Variants in CSMD3 observed in about 807,000 individuals in gnomAD.
CSMD3 encodes CUB and sushi domain-containing protein 3.
In CSMD3, 177 loss-of-function variants were observed where a neutral mutation model predicts 435.2. The observed-to-expected ratio is 0.41, with a 90% CI of 0.36 to 0.46. The LOEUF (loss-of-function observed/expected upper bound fraction) is 0.46. CSMD3 is among the 20% of genes least tolerant of loss of function. The probability of loss-of-function intolerance (pLI) is 0.34; values close to 1 mark genes in which losing one functional copy is unlikely to be tolerated. For missense variants in CSMD3, 4,265 were observed against 4,504.6 expected (o/e 0.95, Z 1.52); for synonymous variants, 1,656 against 1,520.5 (o/e 1.09, Z -2.07).
chr8:112,876,157 T>C (rs532124492), intron 10 of CSMD3, among the ~76,000 whole-genome samples: 1 of 152,100 alleles, frequency 6.6e-6, no homozygotes, highest in African/African-American at 2.4e-5. Flanking sequence ...AATAGACCAA[T>C]AACAAGTTCT....
chr8:112,707,537 A>T (rs1339238886), intron 13 of CSMD3, among the ~76,000 whole-genome samples: 1 of 151,962 alleles, frequency 6.6e-6, no homozygotes, highest in African/African-American at 2.4e-5. Context: ...CAAGGAAATA[A>T]ATACAACAGT....
At chr8:113,419,470 A>G (rs1408735069) in intron 1 of CSMD3, among the ~76,000 whole-genome samples, 1 of 152,120 alleles carries the variant, frequency 6.6e-6, no homozygotes, top group African/African-American at 2.4e-5. Flanking sequence ...ATTTACTCCA[A>G]CATCATCTGG....
chr8:113,136,085 G>A (rs375782456), intron 4 of CSMD3, among the ~76,000 whole-genome samples: 12 of 151,850 alleles, frequency 7.9e-5, no homozygotes, highest in African/African-American at 2.7e-4. Context: ...ACCATATTAC[G>A]TATCATATAA....
intron 2 of CSMD3, among the ~76,000 whole-genome samples, chr8:113,280,361 G>A (rs1196797268): frequency 6.6e-6 from 1 of 151,862 alleles, no homozygotes; most frequent in Non-Finnish European, 1.5e-5. Flanking sequence ...GGTCTATTCA[G>A]GGTGTCTAAT....
intron 13 of CSMD3, among the ~76,000 whole-genome samples, chr8:112,753,107 T>C (rs763815029): frequency 6.6e-6 from 1 of 152,262 alleles, no homozygotes; most frequent in Non-Finnish European, 1.5e-5. Flanking sequence ...TTATCTACTA[T>C]GTATATTTAT....
intron 10 of CSMD3, among the ~76,000 whole-genome samples, chr8:112,912,953 GA>G (rs373560053): frequency 2.0e-5 from 3 of 151,710 alleles, no homozygotes; most frequent in South Asian, 2.1e-4. Flanking sequence ...CAGGTATATG[GA>G]AAAAAAATGT....
At chr8:112,984,430 C>T (rs1209207465) in intron 6 of CSMD3, among the ~76,000 whole-genome samples, 1 of 151,874 alleles carries the variant, frequency 6.6e-6, no homozygotes, top group East Asian at 1.9e-4. Flanking sequence ...TAAAATTTAG[C>T]CATAAAATGT....
chr8:113,382,381 G>A (rs2094419934), intron 1 of CSMD3, among the ~76,000 whole-genome samples: 2 of 152,064 alleles, frequency 1.3e-5, no homozygotes, highest in African/African-American at 4.8e-5. Context: ...TGATGAGTCA[G>A]TCTTTTTTAT....
At chr8:113,064,201 A>G (rs992595969) in intron 5 of CSMD3, among the ~76,000 whole-genome samples, 1 of 151,872 alleles carries the variant, frequency 6.6e-6, no homozygotes, top group African/African-American at 2.4e-5. Context: ...TTTTACATGA[A>G]CCATTTGCTT....
intron 1 of CSMD3, among the ~76,000 whole-genome samples, chr8:113,331,731 C>T (rs1278932992): frequency 1.3e-5 from 2 of 151,614 alleles, no homozygotes; most frequent in Admixed American, 6.6e-5. Context: ...ATTCAACATG[C>T]TTTTTATAGT....
At chr8:113,223,348 C>A (rs987936441) in intron 3 of CSMD3, among the ~76,000 whole-genome samples, 1 of 150,316 alleles carries the variant, frequency 6.7e-6, no homozygotes, top group South Asian at 2.1e-4. Flanking sequence ...TCACCAAGTG[C>A]AAGCTCTATG....
intron 58 of CSMD3, among the ~76,000 whole-genome samples, chr8:112,283,335 TATTTTAAA>T (rs1433433767): frequency 3.3e-5 from 5 of 151,874 alleles, no homozygotes; most frequent in African/African-American, 1.2e-4. Flanking sequence ...AGAGAACTCT[TATTTTAAA>T]AATCATGGTA....
chr8:112,786,551 A>C (rs1189748498), intron 13 of CSMD3, among the ~76,000 whole-genome samples: 2 of 151,720 alleles, frequency 1.3e-5, no homozygotes, highest in East Asian at 1.9e-4. Flanking sequence ...TATATATACA[A>C]CTCAATAGGA....
At chr8:113,407,159 T>A (rs754733378) in intron 1 of CSMD3, among the ~76,000 whole-genome samples, 1 of 152,208 alleles carries the variant, frequency 6.6e-6, no homozygotes, top group Non-Finnish European at 1.5e-5. Context: ...CTTCCACTTA[T>A]GTTAGAAACT....
chr8:112,369,964 G>A (rs1330644380), intron 38 of CSMD3, among the ~76,000 whole-genome samples: 1 of 148,236 alleles, frequency 6.7e-6, no homozygotes, highest in African/African-American at 2.5e-5. Flanking sequence ...GGAGGAGGAG[G>A]AAGAAGAAGA....
chr8:113,040,450 T>C (rs539700202), intron 5 of CSMD3, among the ~76,000 whole-genome samples: 15 of 152,200 alleles, frequency 9.9e-5, no homozygotes, highest in Admixed American at 3.3e-4. Context: ...CAGGGACAGG[T>C]GGAAGTTACT....
chr8:112,871,560 G>T (rs919012256), intron 10 of CSMD3, among the ~76,000 whole-genome samples: 6 of 152,036 alleles, frequency 3.9e-5, no homozygotes, highest in African/African-American at 1.4e-4. Flanking sequence ...TTTCATGGAC[G>T]TGCATAGCAA....
chr8:112,521,511 T>G (rs1042568044), intron 27 of CSMD3, among the ~76,000 whole-genome samples: 55 of 152,090 alleles, frequency 3.6e-4, no homozygotes, highest in African/African-American at 1.3e-3. Flanking sequence ...GCTGCTCTCT[T>G]TTGGTATCTT....
At chr8:113,063,538 T>A (rs2088709128) in intron 5 of CSMD3, among the ~76,000 whole-genome samples, 1 of 151,990 alleles carries the variant, frequency 6.6e-6, no homozygotes, top group East Asian at 1.9e-4. Context: ...ACACTTGATT[T>A]CCTTTGAAAA....
Sources: gnomAD v4.1 joint callset for allele counts (sites outside exome capture counted in the v4.1 genomes callset) on GRCh38, gnomAD v4.1.1 for gene constraint, MANE v1.5 for transcripts, NCBI Gene and HGNC (gene_info 2026-07-23, HGNC 2026-07-21) for gene names.